Variants in RB1 observed in about 807,000 individuals in gnomAD.
RB1 encodes the protein RB transcriptional corepressor 1, also known as retinoblastoma-associated protein.
RB1 carries 18 observed loss-of-function variants against 135.4 expected under a neutral mutation model. That is an observed-to-expected ratio of 0.13 (90% CI 0.09 to 0.20). The LOEUF is 0.20. RB1 is among the 10% of genes least tolerant of loss of function. RB1 has a pLI of 1.00. For missense variants in RB1, 868 were observed against 1,110.0 expected, an observed-to-expected ratio of 0.78 and a Z score of 3.10; for synonymous variants, 365 against 373.2, an observed-to-expected ratio of 0.98 and a Z score of 0.25.
intron 23 of RB1, among the ~76,000 whole-genome samples, chr13:48,471,990 G>A (rs780761054): frequency 6.6e-6 from 1 of 152,188 alleles, no homozygotes; most frequent in Non-Finnish European, 1.5e-5. Flanking sequence ...TAAATTCTCA[G>A]ATGAAAGGTT....
At chr13:48,329,553 G>A (rs877664) in intron 2 of RB1, among the ~76,000 whole-genome samples, 20,747 of 151,964 alleles carry the variant, frequency 0.14, 4,140 homozygotes, top group African/African-American at 0.44. Flanking sequence ...TGGAAAACTC[G>A]CCAGATTATC....
At chr13:48,434,639 A>G (rs928546197) in intron 17 of RB1, among the ~76,000 whole-genome samples, 3 of 152,100 alleles carry the variant, frequency 2.0e-5, no homozygotes, top group African/African-American at 4.8e-5. Context: ...GGTTTCCACT[A>G]TACACCATTC....
intron 17 of RB1, among the ~76,000 whole-genome samples, chr13:48,425,850 T>C (rs1402760848): frequency 6.6e-6 from 1 of 152,228 alleles, no homozygotes; most frequent in Non-Finnish European, 1.5e-5. Context: ...AGAAAGAACA[T>C]ATATTATTGT....
chr13:48,383,417 GT>G (rs1278377376), intron 17 of RB1, among the ~76,000 whole-genome samples: 1 of 151,910 alleles, frequency 6.6e-6, no homozygotes, highest in Non-Finnish European at 1.5e-5. Flanking sequence ...TAAATTAATG[GT>G]TTCTTTTGAA....
chr13:48,317,696 G>A, intron 2 of RB1: 1 of 551,802 alleles, frequency 1.8e-6, no homozygotes, highest in Non-Finnish European at 2.7e-6. Context: ...GGATCCCCTT[G>A]GGCGGGAGCA....
chr13:48,480,441 G>GT lies in RB1; in HGVS notation c.*373dup, dbSNP rs936933563. On this transcript the variant is annotated 3_prime_UTR_variant, in exon 27 of 27. Transcript: ENST00000267163. ...CCTTCTTTTGTAGCATATAGGTGAT[G>GT]TTTGCTCTTGTTTTTATTAATTTAT... 1.2e-5 allele frequency: 3 copies of GT among 250,654 alleles called. No homozygotes were observed. Among genetic ancestry groups the GT allele is most frequent in the Non-Finnish European group, 2.3e-5 (3 of 128,614 alleles). The allele number at this position is 250,654 out of a possible 1,614,324, so 15.5% of individuals were successfully genotyped here.
chr13:48,363,785 T>A lies in RB1; in HGVS notation c.861+828T>A, dbSNP rs1174137619. Among the ~76,000 whole-genome samples the A allele has an allele frequency of 6.6e-6, 1 of 152,198 alleles. No homozygotes were observed. Among genetic ancestry groups the A allele is most frequent in the Admixed American group, 6.5e-5 (1 of 15,280 alleles). ...ATGTTAGAAGGAATCTTACAAATAA[T>A]GTATTCAATCTCCTTTTTATAATGA... On this transcript the variant is annotated intron_variant, in intron 8 of 26. Coordinates refer to ENST00000267163, the MANE Select transcript of RB1 (RefSeq NM_000321.3).
intron 17 of RB1, among the ~76,000 whole-genome samples, chr13:48,395,275 TC>T (rs1175229979): frequency 5.3e-5 from 8 of 152,064 alleles, no homozygotes; most frequent in African/African-American, 1.9e-4. Context: ...GGTAGATAAA[TC>T]CATGAAGATG....
chr13:48,319,687 C>A lies in RB1; in HGVS notation c.264+12281C>A. ...TGCGCCACCTTTGCGGCTAGCTCTT[C>A]GTGGGATTTCAAGAGTGACTTGGTC... On this transcript the variant is annotated intron_variant, in intron 2 of 26. Transcript: ENST00000267163. The surrounding 1 kb of genome is among the most constrained non-coding windows in gnomAD (Gnocchi z 5.0). The A allele has an allele frequency of 1.2e-5, 3 of 253,714 alleles. No homozygotes were observed. The highest frequency in any genetic ancestry group is 5.9e-5 in the South Asian group (1 of 16,890). 15.7% of individuals were successfully genotyped at this position (253,714 alleles called of 1,614,324 possible).
At chr13:48,375,794 G>T (rs1952815660) in intron 12 of RB1, among the ~76,000 whole-genome samples, 1 of 151,658 alleles carries the variant, frequency 6.6e-6, no homozygotes, top group Non-Finnish European at 1.5e-5. Flanking sequence ...TCCCAGGCTG[G>T]TCTCAAACTC....
Position 48,360,098 on chromosome 13 carries a change from C to T in RB1, c.689C>T (p.Ser230Leu), listed in dbSNP as rs1459523811. Residue 230 changes from serine (S) to leucine (L), a missense_variant, in exon 7 of 27, where the codon TCA becomes TTA. Around this residue, in one of 3 missense-constraint regions of RB1, gnomAD observed 641 missense variants for 791.3 expected, o/e 0.81. Coordinates refer to ENST00000267163, the MANE Select transcript of RB1 (RefSeq NM_000321.3). ...GTCCTTGACTATTTTATTAAACTCTCACCTCCCATGTTGCTCAAAGAACCA... is the reference window on the plus strand; with the variant it reads ...GTCCTTGACTATTTTATTAAACTCTTACCTCCCATGTTGCTCAAAGAACCA... The part of the protein sequence containing the change: ...LCVLDYFIKL[S>L]PPMLLKEPYK... 3 of 1,612,530 alleles carry T rather than the reference C, an allele frequency of 1.9e-6. No homozygotes were observed. Among genetic ancestry groups the T allele is most frequent in the Non-Finnish European group, 2.5e-6 (3 of 1,179,194 alleles).
intron 2 of RB1, chr13:48,332,928 A>ATTAG (rs1952350012): frequency 2.5e-6 from 1 of 397,266 alleles, no homozygotes; most frequent in African/African-American, 2.1e-5. Context: ...ACAGTAAGAG[A>ATTAG]TTAGTAACAA....
chr13:48,377,416 A>ATATTAT lies in RB1; in HGVS notation c.1332+384_1332+389dup, dbSNP rs543043703. Among the ~76,000 whole-genome samples, 846 of 152,276 alleles carry ATATTAT rather than the reference A, an allele frequency of 5.6e-3. 5 individuals are homozygous for ATATTAT. The highest frequency in any genetic ancestry group is 0.01 in the Middle Eastern group (3 of 294). ...CATTTGTCAGTGATATTATTGAGTG[A>ATATTAT]TATTATTTCAGGAAATCTAAAGCTA... On this transcript the variant is annotated intron_variant, in intron 13 of 26. Transcript: ENST00000267163.
At position 48,456,060 on chromosome 13, in the gene RB1, T is replaced by C. The variant is rs1319802070; in HGVS notation, c.1815-144T>C. 2.1e-6 allele frequency: 3 copies of C among 1,428,126 alleles called. No homozygotes were observed. The African/African-American group carries it at 4.3e-5, about 21-fold the overall frequency. The allele number at this position is 1,428,126 out of a possible 1,614,324, so 88.5% of individuals were successfully genotyped here. A position where few individuals can be genotyped will look rare whatever the true frequency, so the allele number is the denominator to read the frequency against. On this transcript the variant is annotated intron_variant, in intron 18 of 26. Transcript: ENST00000267163. ...GACAAGCAGTTTTCCTATTAATATA[T>C]CTTTCCCAGCTTGCATTTAAATAGT...
Position 48,373,397 on chromosome 13 carries a change from C to T in RB1, c.1128-8C>T, listed in dbSNP as rs1952783262. ...CTTAACACATTTTCCTATTTTTATC[C>T]CCTCTAGGACTGTTATGAACACTAT... On this transcript the variant is annotated splice_region_variant and splice_polypyrimidine_tract_variant and intron_variant, in intron 11 of 26. Transcript: ENST00000267163. 2 of 1,522,284 alleles carry T rather than the reference C, an allele frequency of 1.3e-6. No homozygotes were observed. The highest frequency in any genetic ancestry group is 4.6e-5 in the East Asian group (2 of 43,920). The allele number at this position is 1,522,284 out of a possible 1,614,324, so 94.3% of individuals were successfully genotyped here.
At chr13:48,370,718 G>A (rs1952749858) in intron 11 of RB1, among the ~76,000 whole-genome samples, 1 of 152,180 alleles carries the variant, frequency 6.6e-6, no homozygotes, top group South Asian at 2.1e-4. Context: ...TCTGAACCCT[G>A]CCCTTTTGGG....
chr13:48,367,045 G>T (rs925471106), intron 9 of RB1, among the ~76,000 whole-genome samples: 2 of 151,184 alleles, frequency 1.3e-5, no homozygotes, highest in Non-Finnish European at 1.5e-5. Flanking sequence ...CTTGAACCCC[G>T]GGGGCAGAGG....
chr13:48,434,699 C>T (rs1278781173), intron 17 of RB1, among the ~76,000 whole-genome samples: 2 of 152,160 alleles, frequency 1.3e-5, no homozygotes, highest in Non-Finnish European at 2.9e-5. Flanking sequence ...GTATCCACCA[C>T]CACAAGCAAT....
chr13:48,423,389 T>C (rs1279145685), intron 17 of RB1, among the ~76,000 whole-genome samples: 1 of 152,088 alleles, frequency 6.6e-6, no homozygotes, highest in East Asian at 1.9e-4. Context: ...CTCTCAGGTA[T>C]AATAGATCAA....
Sources: allele counts gnomAD v4.1 joint callset (sites outside exome capture counted in the v4.1 genomes callset), GRCh38; gene constraint gnomAD v4.1.1; regional missense constraint gnomAD v4.1.1; non-coding constraint Gnocchi (gnomAD v3.1); transcripts MANE v1.5; gene names NCBI Gene and HGNC (gene_info 2026-07-23, HGNC 2026-07-21).